Variants in FBXO34 observed in about 807,000 individuals in gnomAD.
The protein encoded by FBXO34 is F-box protein 34.
FBXO34 carries 12 observed loss-of-function variants against 24.5 expected under a neutral mutation model. The observed-to-expected ratio is 0.49, with a 90% confidence interval of 0.31 to 0.79. The LOEUF is 0.79. FBXO34 is among the 30% of genes least tolerant of loss of function. The pLI is 0.04. For missense variants in FBXO34, 823 were observed against 857.7 expected (o/e 0.96, Z 0.51); for synonymous variants, 320 against 311.9 (o/e 1.03, Z -0.27).
chr14:55,316,374 C>T (rs1566552352), intron 1 of FBXO34, among the ~76,000 whole-genome samples: 1 of 151,508 alleles, frequency 6.6e-6, no homozygotes, highest in East Asian at 1.9e-4. Flanking sequence ...ATTGCTTGAG[C>T]TCAGGAGTTC....
At chr14:55,307,120 C>T (rs1156616046) in intron 1 of FBXO34, among the ~76,000 whole-genome samples, 3 of 152,218 alleles carry the variant, frequency 2.0e-5, no homozygotes, top group Non-Finnish European at 2.9e-5. Context: ...TGAAGGTACC[C>T]TTAATCACAT....
At chr14:55,390,303 T>C in the FBXO34 span, among the ~76,000 whole-genome samples, 1 of 152,214 alleles carries the variant, frequency 6.6e-6, no homozygotes, top group South Asian at 2.1e-4. Flanking sequence ...ACTCCTGACC[T>C]CAGGTGATCC....
chr14:55,410,841 T>C, the FBXO34 span, among the ~76,000 whole-genome samples: 2 of 152,216 alleles, frequency 1.3e-5, no homozygotes, highest in African/African-American at 4.8e-5. Flanking sequence ...GACACTAAAT[T>C]GTTGAAACAT....
At chr14:55,386,450 T>C in the FBXO34 span, among the ~76,000 whole-genome samples, 1,561 of 152,284 alleles carry the variant, frequency 0.01, 27 homozygotes, top group African/African-American at 0.035. Context: ...TAATTCAAGT[T>C]TGAAAAACTT....
the FBXO34 span, among the ~76,000 whole-genome samples, chr14:55,426,275 A>T: frequency 6.6e-6 from 1 of 151,868 alleles, no homozygotes; most frequent in South Asian, 2.1e-4. Flanking sequence ...CTCAAAAAAA[A>T]AAAATAAATA....
chr14:55,385,355 C>T, the FBXO34 span, among the ~76,000 whole-genome samples: 132 of 152,216 alleles, frequency 8.7e-4, no homozygotes, highest in Admixed American at 1.7e-3. Context: ...TGCAGTGACA[C>T]AATCTTGGCT....
chr14:55,370,846 G>C (rs1884800367), downstream of FBXO34, among the ~76,000 whole-genome samples: 5 of 151,998 alleles, frequency 3.3e-5, no homozygotes, highest in South Asian at 1.0e-3. Context: ...TCACCACGTT[G>C]GCCAGGCTGG....
chr14:55,302,160 A>G lies in FBXO34; in HGVS notation c.-11+30623A>G, dbSNP rs560694215. On this transcript the variant is annotated intron_variant, in intron 1 of 1. Transcript: ENST00000313833. ...ATAAAGCAGCAGTCCTGGCTCCTTA[A>G]GTGATAGTTTCTTTTATGAGACCTC... is the stretch of plus-strand genomic sequence containing the variant. 7.9e-5 allele frequency among the ~76,000 whole-genome samples: 12 copies of G among 152,370 alleles called. No individual in the cohort carries two copies. In the South Asian group the frequency reaches 2.5e-3, roughly 32 times the overall value.
downstream of FBXO34, among the ~76,000 whole-genome samples, chr14:55,370,559 A>G (rs147914064): frequency 9.9e-5 from 15 of 152,046 alleles, no homozygotes; most frequent in African/African-American, 3.4e-4. Context: ...GCCAAGTCCA[A>G]TAACCCTTTC....
At chr14:55,441,911 T>C in the FBXO34 span, among the ~76,000 whole-genome samples, 1 of 151,730 alleles carries the variant, frequency 6.6e-6, no homozygotes, top group African/African-American at 2.4e-5. Flanking sequence ...TACAGGTGCC[T>C]GCCACCATGC....
At chr14:55,279,252 C>T (rs549248719) in intron 1 of FBXO34, among the ~76,000 whole-genome samples, 2 of 149,038 alleles carry the variant, frequency 1.3e-5, no homozygotes, top group Middle Eastern at 3.4e-3. Context: ...TGCCACTGCA[C>T]TCCAGCCTGG....
At chr14:55,328,062 G>T (rs191747558) in intron 1 of FBXO34, among the ~76,000 whole-genome samples, 4 of 151,022 alleles carry the variant, frequency 2.6e-5, no homozygotes, top group African/African-American at 9.7e-5. Context: ...GTTCTGCCTC[G>T]TGCCTCAGCC....
chr14:55,310,277 A>G (rs989317907), intron 1 of FBXO34, among the ~76,000 whole-genome samples: 1 of 152,242 alleles, frequency 6.6e-6, no homozygotes, highest in South Asian at 2.1e-4. Context: ...ATGTGGAAGT[A>G]TGTTTGTTCT....
rs574828518 is a variant in FBXO34, at chr14:55,352,764, A to C, written c.*238A>C. On this transcript the variant is annotated 3_prime_UTR_variant, in exon 2 of 2. Coordinates refer to ENST00000313833, the MANE Select transcript of FBXO34 (RefSeq NM_017943.4). Reference sequence around the variant, plus strand: ...CGGGTGGTATCCCACAGTTGGATTCAGTTGGCTGTGAATAACTGCCTGTTT... The same window carrying C: ...CGGGTGGTATCCCACAGTTGGATTCCGTTGGCTGTGAATAACTGCCTGTTT... 37 of 455,964 alleles carry C rather than the reference A, an allele frequency of 8.1e-5. No individual in the cohort carries two copies. The East Asian group carries it at 1.3e-3, about 16-fold the overall frequency. 28.2% of individuals were successfully genotyped at this position (455,964 alleles called of 1,614,324 possible). A position where few individuals can be genotyped will look rare whatever the true frequency, so the allele number is the denominator to read the frequency against.
intron 1 of FBXO34, among the ~76,000 whole-genome samples, chr14:55,302,418 T>C (rs1185301916): frequency 6.6e-6 from 1 of 151,960 alleles, no homozygotes; most frequent in African/African-American, 2.4e-5. Context: ...TTAAATAGCC[T>C]TGTTCTCATC....
intron 1 of FBXO34, among the ~76,000 whole-genome samples, chr14:55,319,002 C>T (rs1170197177): frequency 2.0e-5 from 3 of 152,178 alleles, no homozygotes; most frequent in African/African-American, 7.2e-5. Context: ...CTAAGTTCTC[C>T]TTTGTCTATT....
chr14:55,369,532 T>TCTTAA (rs1342431632), downstream of FBXO34: 4 of 1,258,510 alleles, frequency 3.2e-6, no homozygotes, highest in African/African-American at 3.0e-5. Context: ...CCAGACACTA[T>TCTTAA]CTTAACTTAA....
chr14:55,430,769 C>T, the FBXO34 span, among the ~76,000 whole-genome samples: 2 of 152,354 alleles, frequency 1.3e-5, no homozygotes, highest in East Asian at 1.9e-4. Context: ...TCTTCACCCA[C>T]TTCTCACTCT....
chr14:55,345,644 G>GC (rs1884135454), intron 1 of FBXO34, among the ~76,000 whole-genome samples: 1 of 152,122 alleles, frequency 6.6e-6, no homozygotes, highest in Non-Finnish European at 1.5e-5. Flanking sequence ...CTCAAGGGCA[G>GC]CAACTATGTT....
Sources: allele counts gnomAD v4.1 joint callset (sites outside exome capture counted in the v4.1 genomes callset), GRCh38; gene constraint gnomAD v4.1.1; transcripts MANE v1.5; gene names NCBI Gene and HGNC (gene_info 2026-07-23, HGNC 2026-07-21).